Variants in CXCL13 observed in about 807,000 individuals in gnomAD.
The protein encoded by CXCL13 is C-X-C motif chemokine 13.
Under a neutral mutation model 12.2 loss-of-function variants are expected in CXCL13, and 7 were observed. The observed-to-expected ratio is 0.57, with a 90% CI of 0.33 to 1.07. The LOEUF is 1.07. Among genes scored for constraint, CXCL13 ranks in the 50% least tolerant of loss-of-function variants. The pLI is 0.04. For synonymous variants in CXCL13, 47 were observed against 42.4 expected (o/e 1.11, Z -0.42); for missense variants, 113 against 127.4 (o/e 0.89, Z 0.55).
At chr4:77,565,241 T>C (rs981129234) in intron 1 of CXCL13, among the ~76,000 whole-genome samples, 3 of 152,194 alleles carry the variant, frequency 2.0e-5, no homozygotes, top group African/African-American at 7.2e-5. Flanking sequence ...AAATACACTA[T>C]AAAAACCATT....
At chr4:77,535,853 A>T (rs534804537) in intron 1 of CXCL13, among the ~76,000 whole-genome samples, 1 of 152,208 alleles carries the variant, frequency 6.6e-6, no homozygotes, top group Non-Finnish European at 1.5e-5. Flanking sequence ...TGAGTGCCAG[A>T]TAAGATTCTA....
intron 1 of CXCL13, among the ~76,000 whole-genome samples, chr4:77,549,946 G>A (rs1445094939): frequency 6.6e-6 from 1 of 152,228 alleles, no homozygotes; most frequent in African/African-American, 2.4e-5. Flanking sequence ...TGCCCCCAGA[G>A]GTGGAGTCTA....
intron 1 of CXCL13, among the ~76,000 whole-genome samples, chr4:77,567,215 C>T (rs1353447548): frequency 6.6e-6 from 1 of 152,190 alleles, no homozygotes; most frequent in Non-Finnish European, 1.5e-5. Flanking sequence ...CTCCTAACTC[C>T]ACCGCCTATC....
At chr4:77,547,798 T>C (rs917709449) in intron 1 of CXCL13, among the ~76,000 whole-genome samples, 3 of 152,170 alleles carry the variant, frequency 2.0e-5, no homozygotes, top group Non-Finnish European at 4.4e-5. Context: ...GTTATTTTGC[T>C]CATCAGTTGA....
At chr4:77,535,107 A>G (rs1725028197) in intron 1 of CXCL13, among the ~76,000 whole-genome samples, 1 of 152,254 alleles carries the variant, frequency 6.6e-6, no homozygotes, top group African/African-American at 2.4e-5. Flanking sequence ...TCTTCCACAA[A>G]GAAGGAACTT....
At chr4:77,560,925 A>T (rs1324171134) in intron 1 of CXCL13, among the ~76,000 whole-genome samples, 1 of 152,160 alleles carries the variant, frequency 6.6e-6, no homozygotes, top group Non-Finnish European at 1.5e-5. Flanking sequence ...TGAAATCCTT[A>T]TCTATCCTAT....
chr4:77,530,046 G>T (rs1396431659), intron 1 of CXCL13, among the ~76,000 whole-genome samples: 1 of 152,144 alleles, frequency 6.6e-6, no homozygotes, highest in Non-Finnish European at 1.5e-5. Context: ...TATGGTTTTT[G>T]TCATTGGTTC....
chr4:77,564,057 G>C (rs542704742), intron 1 of CXCL13, among the ~76,000 whole-genome samples: 1 of 152,154 alleles, frequency 6.6e-6, no homozygotes, highest in Non-Finnish European at 1.5e-5. Context: ...TTGTGAACAA[G>C]ACACCCCACA....
intron 1 of CXCL13, among the ~76,000 whole-genome samples, chr4:77,565,853 A>C (rs1010807011): frequency 2.0e-5 from 3 of 152,244 alleles, no homozygotes; most frequent in African/African-American, 7.2e-5. Flanking sequence ...TTGGCCTTAA[A>C]GAAACTGCAT....
At chr4:77,610,585 T>A in intron 2 of CXCL13, 29 bp from the exon 3 acceptor site, 1 of 1,513,042 alleles carries the variant, frequency 6.6e-7, no homozygotes, top group South Asian at 1.1e-5. Flanking sequence ...AATGTAAGAC[T>A]GAATTATTTA....
intron 1 of CXCL13, among the ~76,000 whole-genome samples, chr4:77,535,374 G>C (rs190034072): frequency 1.3e-5 from 2 of 152,200 alleles, no homozygotes; most frequent in Non-Finnish European, 2.9e-5. Flanking sequence ...AGCCATGCTT[G>C]TATATACAAA....
chr4:77,585,467 C>T (rs905879234), intron 1 of CXCL13, among the ~76,000 whole-genome samples: 2 of 152,190 alleles, frequency 1.3e-5, no homozygotes, highest in Non-Finnish European at 2.9e-5. Flanking sequence ...TCAGCCACAT[C>T]GTGTGAGTCT....
chr4:77,579,889 C>T lies in CXCL13; in HGVS notation c.-42-25935C>T, dbSNP rs78394808. The stretch of plus-strand genomic sequence containing the variant: ...GAGCAATGCTGGTGACTAGAACCAA[C>T]GACTTACTCAAGGGTAACATCCTGA... On this transcript the variant is annotated intron_variant, in intron 1 of 4. Coordinates refer to the CXCL13 transcript ENST00000286758. Among the ~76,000 whole-genome samples the T allele has an allele frequency of 1.1e-3, 171 of 152,256 alleles. 2 individuals carry two copies. The East Asian group carries it at 0.025, about 22-fold the overall frequency.
At chr4:77,533,315 C>T (rs1397965122) in intron 1 of CXCL13, among the ~76,000 whole-genome samples, 1 of 152,180 alleles carries the variant, frequency 6.6e-6, no homozygotes, top group Non-Finnish European at 1.5e-5. Flanking sequence ...ACCCTGTTTG[C>T]CTGGGTATCA....
chr4:77,527,679 G>T (rs909751100), intron 1 of CXCL13, among the ~76,000 whole-genome samples: 2 of 151,958 alleles, frequency 1.3e-5, no homozygotes, highest in African/African-American at 4.8e-5. Flanking sequence ...ACACTTGAAT[G>T]AATGACATTC....
intron 1 of CXCL13, among the ~76,000 whole-genome samples, chr4:77,565,807 T>G (rs1182934030): frequency 6.6e-6 from 1 of 151,978 alleles, no homozygotes; most frequent in Non-Finnish European, 1.5e-5. Flanking sequence ...CTGAAGGACA[T>G]GGAAAAAAAA....
intron 1 of CXCL13, among the ~76,000 whole-genome samples, chr4:77,572,923 T>A (rs1406410878): frequency 6.6e-6 from 1 of 151,258 alleles, no homozygotes; most frequent in East Asian, 1.9e-4. Flanking sequence ...AATGAGAACA[T>A]GTCCTTTGCA....
At chr4:77,531,331 G>T (rs1372261713) in intron 1 of CXCL13, among the ~76,000 whole-genome samples, 2 of 130,884 alleles carry the variant, frequency 1.5e-5, no homozygotes, top group East Asian at 4.5e-4. Flanking sequence ...GTGTCCATGT[G>T]TTCTCATTGT....
At chr4:77,519,208 G>T (rs1370968671) in intron 1 of CXCL13, among the ~76,000 whole-genome samples, 1 of 152,114 alleles carries the variant, frequency 6.6e-6, no homozygotes, top group South Asian at 2.1e-4. Flanking sequence ...CCCTACTGGG[G>T]GATGCCTCCC....
Sources: gnomAD v4.1 joint callset for allele counts (sites outside exome capture counted in the v4.1 genomes callset) on GRCh38, gnomAD v4.1.1 for gene constraint, MANE v1.5 for transcripts, NCBI Gene and HGNC (gene_info 2026-07-23, HGNC 2026-07-21) for gene names.